The following ANKRD18A variants were observed in gnomAD, a reference collection of about 807,000 sequenced individuals.
The protein encoded by ANKRD18A is ankyrin repeat domain 18A.
In ANKRD18A, 72 loss-of-function variants were observed where a neutral mutation model predicts 110.6. That is an observed-to-expected ratio of 0.65 (90% CI 0.54 to 0.79). ANKRD18A has a LOEUF of 0.79. Among genes scored for constraint, ANKRD18A ranks in the 30% least tolerant of loss-of-function variants. The probability of loss-of-function intolerance (pLI) is 0.00; values close to 1 mark genes in which losing one functional copy is unlikely to be tolerated. For synonymous variants in ANKRD18A, 305 were observed against 410.3 expected (o/e 0.74, Z 3.10); for missense variants, 934 against 1,163.3 (o/e 0.80, Z 2.87).
intron 11 of ANKRD18A, among the ~76,000 whole-genome samples, 184 bp downstream of exon 11, chr9:38,588,367 T>G (rs1243906934): frequency 6.6e-6 from 1 of 152,178 alleles, no homozygotes; most frequent in Non-Finnish European, 1.5e-5. Context: ...CCAAGGGTCA[T>G]GGACTCCTGC....
At chr9:38,611,501 C>G (rs1317004451) in intron 3 of ANKRD18A, among the ~76,000 whole-genome samples, 180 bp from the exon 4 acceptor site, 3 of 152,212 alleles carry the variant, frequency 2.0e-5, no homozygotes, top group African/African-American at 7.2e-5. Context: ...AACACCCCTC[C>G]TCTGCCTCCC....
chr9:38,595,768 C>T lies in ANKRD18A; in HGVS notation c.1572G>A (p.Met524Ile). 2 of 1,551,300 alleles carry T rather than the reference C, an allele frequency of 1.3e-6. No homozygotes were observed. Among genetic ancestry groups the T allele is most frequent in the Non-Finnish European group, 8.7e-7 (1 of 1,146,660 alleles). The part of the protein sequence containing the change: ...AQHRIKEMKQ[M>I]HPNGEAKESQ... Reference sequence around the variant, plus strand: ...TTTCTTTAGCTTCTCCATTTGGATGCATCTGCTTCATTTCCTTTATTCGAT... The same window carrying T: ...TTTCTTTAGCTTCTCCATTTGGATGTATCTGCTTCATTTCCTTTATTCGAT... Residue 524 changes from methionine (M) to isoleucine (I), a missense_variant, in exon 9 of 16, where the codon ATG (methionine) becomes ATA (isoleucine). Around this residue, in one of 4 missense-constraint regions of ANKRD18A, gnomAD observed 630 missense variants for 797.5 expected, o/e 0.79. Transcript: ENST00000399703.
At chr9:38,572,112 G>C in intron 15 of ANKRD18A, 53 bp from the exon 16 acceptor site, 1 of 1,373,804 alleles carries the variant, frequency 7.3e-7, no homozygotes, top group Middle Eastern at 1.8e-4. Flanking sequence ...TTCAGTTAAC[G>C]AAGTGTAAGT....
At position 38,606,689 on chromosome 9, in the gene ANKRD18A, C is replaced by T. The variant is rs182162596; in HGVS notation, c.808+737G>A. Among the ~76,000 whole-genome samples the T allele has an allele frequency of 4.6e-5, 7 of 152,206 alleles. No individual in the cohort carries two copies. In the East Asian group the frequency reaches 1.4e-3, roughly 29 times the overall value. ...TCCACAGGGATCACAGTCCCTAACC[C>T]CCACAATATTCAAGAATCAATTGGA... On this transcript the variant is annotated intron_variant, in intron 6 of 15. Transcript: ENST00000399703.
At chr9:38,568,371 G>T (rs1823528611), downstream of ANKRD18A, 2 of 152,038 alleles carry the variant, frequency 1.3e-5, no homozygotes. Context: ...GGCCAAGCTG[G>T]CTCAAAGAGC....
Position 38,620,224 on chromosome 9 carries a change from T to C in ANKRD18A, c.62A>G (p.Gln21Arg). The change falls in exon 1 of 16, where the codon CAA becomes CGA. Residue 21 changes from glutamine to arginine, a missense_variant. Gln to Arg is a conservative substitution (Grantham distance 43). Around this residue, in one of 4 missense-constraint regions of ANKRD18A, gnomAD observed 630 missense variants for 797.5 expected, o/e 0.79. Coordinates refer to ENST00000399703, the MANE Select transcript of ANKRD18A (RefSeq NM_147195.4). Reference protein sequence around the residue: ...LGQALLSSMDQEYAGPGYDIR... With the variant: ...LGQALLSSMDREYAGPGYDIR... Reference sequence around the variant, plus strand: ...GTCGTAACCCGGACCCGCATACTCTTGGTCCATGGAGCTCAGGAGCGCCTG... The same window carrying C: ...GTCGTAACCCGGACCCGCATACTCTCGGTCCATGGAGCTCAGGAGCGCCTG... The C allele has an allele frequency of 6.4e-7, 1 of 1,551,798 alleles. No homozygotes were observed. Among genetic ancestry groups the C allele is most frequent in the South Asian group, 1.2e-5 (1 of 84,070 alleles).
chr9:38,598,900 A>C (rs1361387269), intron 8 of ANKRD18A, among the ~76,000 whole-genome samples: 1 of 152,250 alleles, frequency 6.6e-6, no homozygotes, highest in South Asian at 2.1e-4. Flanking sequence ...TGGAGTGAGC[A>C]AACCACAAAT....
intron 8 of ANKRD18A, among the ~76,000 whole-genome samples, chr9:38,598,393 C>T (rs1824980724): frequency 6.6e-6 from 1 of 152,172 alleles, no homozygotes; most frequent in Non-Finnish European, 1.5e-5. Flanking sequence ...GATAGCAGCA[C>T]TAATCTACTT....
downstream of ANKRD18A, chr9:38,569,321 C>A (rs575937293): frequency 7.1e-6 from 7 of 981,210 alleles, no homozygotes; most frequent in South Asian, 3.3e-4. Context: ...CCCTCAGTAG[C>A]TGCCCAGAGG....
intron 8 of ANKRD18A, among the ~76,000 whole-genome samples, chr9:38,598,417 C>G (rs1824981814): frequency 6.6e-6 from 1 of 152,174 alleles, no homozygotes; most frequent in Non-Finnish European, 1.5e-5. Context: ...CACATAATTA[C>G]ACATTTAGAT....
chr9:38,577,952 T>G lies in ANKRD18A; in HGVS notation c.2444A>C (p.Glu815Ala), dbSNP rs1823974948. ...LKTHMEKDMV[E>A]LGKLQEYKSE... Reference sequence around the variant, plus strand: ...TTTATATTCTTGTAGTTTACCAAGTTCTACCATATCTTTTTCCATATGTGT... The same window carrying G: ...TTTATATTCTTGTAGTTTACCAAGTGCTACCATATCTTTTTCCATATGTGT... The change falls in exon 13 of 16, where the codon GAA (glutamate) becomes GCA (alanine). Residue 815 changes from glutamate (E) to alanine (A), a missense_variant. Physicochemically the swap from Glu to Ala is moderately radical, Grantham distance 107 (BLOSUM62 -1). Coordinates refer to ENST00000399703, the MANE Select transcript of ANKRD18A (RefSeq NM_147195.4). 2 of 1,588,638 alleles carry G rather than the reference T, an allele frequency of 1.3e-6. No individual in the cohort carries two copies. The highest frequency in any genetic ancestry group is 2.3e-5 in the South Asian group (2 of 88,348).
At chr9:38,573,522 C>T (rs999716721) in intron 15 of ANKRD18A, among the ~76,000 whole-genome samples, 9 of 152,082 alleles carry the variant, frequency 5.9e-5, no homozygotes, top group Admixed American at 3.3e-4. Context: ...CGAGACCATC[C>T]TGGCCAACAT....
chr9:38,572,033 G>A lies in ANKRD18A; in HGVS notation c.*12C>T, dbSNP rs578175423. 3.4e-5 allele frequency: 54 copies of A among 1,589,896 alleles called. No homozygotes were observed. Among genetic ancestry groups the A allele is most frequent in the South Asian group, 1.3e-4 (11 of 85,888 alleles). On this transcript the variant is annotated 3_prime_UTR_variant, in exon 16 of 16. Coordinates refer to ENST00000399703, the MANE Select transcript of ANKRD18A (RefSeq NM_147195.4). ...GTGGATTCTACAAAAGAAAGTAGACGGGAGCAAGTGCTCAACATAGCAAAA... is the reference window on the plus strand; with the variant it reads ...GTGGATTCTACAAAAGAAAGTAGACAGGAGCAAGTGCTCAACATAGCAAAA...
rs1246568968 is a variant in ANKRD18A, at chr9:38,593,750, C to A, written c.2004+10G>T. 2 of 1,522,360 alleles carry A rather than the reference C, an allele frequency of 1.3e-6. No individual in the cohort carries two copies. Among genetic ancestry groups the A allele is most frequent in the Non-Finnish European group, 1.8e-6 (2 of 1,135,608 alleles). 94.3% of individuals were successfully genotyped at this position (1,522,360 alleles called of 1,614,324 possible). On this transcript the variant is annotated intron_variant, in intron 10 of 15. Coordinates refer to ENST00000399703, the MANE Select transcript of ANKRD18A (RefSeq NM_147195.4). ...AGATTAACTGTCTACATGTTAAATT[C>A]CATACATACTTGAATTTCTACTTGA... is the stretch of plus-strand genomic sequence containing the variant.
At chr9:38,571,091 G>A (rs945995638), downstream of ANKRD18A, 1 of 1,512,196 alleles carries the variant, frequency 6.6e-7, no homozygotes, top group Non-Finnish European at 8.8e-7. Flanking sequence ...TCCCCAGACA[G>A]CTAGAAGGCC....
chr9:38,589,246 T>C (rs1401518334), intron 10 of ANKRD18A, among the ~76,000 whole-genome samples: 1 of 152,278 alleles, frequency 6.6e-6, no homozygotes, highest in Admixed American at 6.5e-5. Flanking sequence ...CTACTTTTTG[T>C]GGCTTTTCTA....
intron 12 of ANKRD18A, among the ~76,000 whole-genome samples, chr9:38,584,006 GT>G (rs1314212749): frequency 6.6e-6 from 1 of 152,224 alleles, no homozygotes; most frequent in Non-Finnish European, 1.5e-5. Context: ...GGGGGATGGG[GT>G]GGAGCCACCA....
At chr9:38,574,848 C>T (rs1823808218) in intron 15 of ANKRD18A, among the ~76,000 whole-genome samples, 1 of 152,042 alleles carries the variant, frequency 6.6e-6, no homozygotes, top group Non-Finnish European at 1.5e-5. Flanking sequence ...GTAATCCCAG[C>T]ACTTTGGGAG....
At chr9:38,582,314 C>T (rs1381010130) in intron 12 of ANKRD18A, among the ~76,000 whole-genome samples, 4 of 152,120 alleles carry the variant, frequency 2.6e-5, no homozygotes, top group Non-Finnish European at 5.9e-5. Context: ...TCTCGTAAGC[C>T]TGACTTGCCA....
Sources: allele counts gnomAD v4.1 joint callset (sites outside exome capture counted in the v4.1 genomes callset), GRCh38; gene constraint gnomAD v4.1.1; regional missense constraint gnomAD v4.1.1; transcripts MANE v1.5; gene names NCBI Gene and HGNC (gene_info 2026-07-23, HGNC 2026-07-21).